TNFAIP1: variants seen among roughly 807,000 people sequenced by gnomAD.
TNFAIP1 encodes TNF alpha induced protein 1, also known as BTB/POZ domain-containing adapter for CUL3-mediated RhoA degradation protein 2.
A neutral mutation model predicts 32.6 loss-of-function variants in TNFAIP1; 20 were observed. That is an observed-to-expected ratio of 0.61 (90% CI 0.43 to 0.89). The LOEUF (loss-of-function observed/expected upper bound fraction) is 0.89. Among genes scored for constraint, TNFAIP1 ranks in the 40% least tolerant of loss-of-function variants. The probability of loss-of-function intolerance (pLI) is 0.00; values close to 1 mark genes in which losing one functional copy is unlikely to be tolerated. For missense variants in TNFAIP1, 319 were observed against 425.1 expected (o/e 0.75, Z 2.20); for synonymous variants, 166 against 166.8 (o/e 1.00, Z 0.04).
Position 28,339,392 on chromosome 17 carries a change from C to A in TNFAIP1, c.-114-16C>A. ...CTCAGCTGGTTCGTGTCTTCTCTTC[C>A]CTCTCCCATGTACAGCACTGAGATT... On this transcript the variant is annotated splice_polypyrimidine_tract_variant and intron_variant, in intron 1 of 6. Coordinates refer to ENST00000226225, the MANE Select transcript of TNFAIP1 (RefSeq NM_021137.5). 1 of 869,312 alleles carries A rather than the reference C, an allele frequency of 1.2e-6. No individual in the cohort carries two copies. The highest frequency in any genetic ancestry group is 1.7e-6 in the Non-Finnish European group (1 of 601,034). 53.8% of individuals were successfully genotyped at this position (869,312 alleles called of 1,614,324 possible).
intron 1 of TNFAIP1, among the ~76,000 whole-genome samples, chr17:28,336,282 C>T (rs1386088293): frequency 3.3e-5 from 5 of 152,292 alleles, no homozygotes; most frequent in East Asian, 1.9e-4. Context: ...AGCCACGGAT[C>T]CGCCCTTAGC....
chr17:28,344,269 C>A, intron 6 of TNFAIP1, 95 bp from the exon 7 acceptor site: 1 of 1,064,084 alleles, frequency 9.4e-7, no homozygotes, highest in Non-Finnish European at 1.4e-6. Context: ...TGAGAGGTAG[C>A]GGAGGCCTTA....
In TNFAIP1 at chr17:28,340,343, T is replaced by C. The variant is rs782382940; in HGVS notation, c.240T>C (p.Phe80=). Reference sequence around the variant, plus strand: ...TCATAGACCGTTGTGGAAAGCACTTTGGCACCATTTTGAATTACCTCCGAG... The same window carrying C: ...TCATAGACCGTTGTGGAAAGCACTTCGGCACCATTTTGAATTACCTCCGAG... ...WILIDRCGKH[F]GTILNYLRDD... Residue 80 remains phenylalanine, a synonymous_variant, in exon 3 of 7, where the codon TTT becomes TTC. Coordinates refer to ENST00000226225, the MANE Select transcript of TNFAIP1 (RefSeq NM_021137.5). This position sits in a 1 kb window ranked among gnomAD's most constrained non-coding sequence, Gnocchi z 4.1. The C allele has an allele frequency of 1.2e-6, 2 of 1,614,092 alleles. No individual in the cohort carries two copies. The highest frequency in any genetic ancestry group is 2.2e-5 in the East Asian group (1 of 44,886).
rs528451294 is a variant in TNFAIP1, at chr17:28,340,528, C to T, written c.375+50C>T. 162 of 1,596,386 alleles carry T rather than the reference C, an allele frequency of 1.0e-4. 2 individuals are homozygous for T. The South Asian group carries it at 1.6e-3, about 16-fold the overall frequency. On this transcript the variant is annotated intron_variant, in intron 3 of 6. Coordinates refer to ENST00000226225, the MANE Select transcript of TNFAIP1 (RefSeq NM_021137.5). The surrounding 1 kb of genome is among the most constrained non-coding windows in gnomAD (Gnocchi z 4.1). ...CGGGCAGATGAGGTCAGGAGTTGCCCCCTTCTTGTGGGATGGAGGACTCTG... is the reference window on the plus strand; with the variant it reads ...CGGGCAGATGAGGTCAGGAGTTGCCTCCTTCTTGTGGGATGGAGGACTCTG...
At position 28,346,440 on chromosome 17, in the gene TNFAIP1, G is replaced by A. The variant is rs1597797150; in HGVS notation, c.*1840G>A. On this transcript the variant is annotated 3_prime_UTR_variant, in exon 7 of 7. Transcript: ENST00000226225. ...ACACTCAAATTCCCAGCTCCCCACT[G>A]AGGTGTTGTGATGCTTGCCTTTTGA... is the stretch of plus-strand genomic sequence containing the variant. The A allele has an allele frequency of 6.6e-6, 1 of 152,174 alleles. No homozygotes were observed. The highest frequency in any genetic ancestry group is 2.4e-5 in the African/African-American group (1 of 41,436). The allele number at this position is 152,174 out of a possible 1,614,324, so 9.4% of individuals were successfully genotyped here.
Position 28,339,724 on chromosome 17 carries a change from A to C in TNFAIP1, c.203A>C (p.Glu68Ala). 6.2e-7 allele frequency: 1 copy of C among 1,613,476 alleles called. No homozygotes were observed. Among genetic ancestry groups the C allele is most frequent in the South Asian group, 1.1e-5 (1 of 91,070 alleles). The part of the protein sequence containing the change: ...SGRMEVLTDK[E>A]GWILIDRCGK... The stretch of plus-strand genomic sequence containing the variant: ...CGCATGGAGGTGCTGACCGACAAAG[A>C]AGGTGAGGCACTGGGGCTGCCGCTC... The change falls in exon 2 of 7, where the codon GAA becomes GCA. Residue 68 changes from glutamate (E) to alanine (A), a missense_variant and splice_region_variant. Coordinates refer to ENST00000226225, the MANE Select transcript of TNFAIP1 (RefSeq NM_021137.5).
In TNFAIP1 at chr17:28,339,503, G is replaced by C. The variant is rs145146981; in HGVS notation, c.-19G>C. On this transcript the variant is annotated 5_prime_UTR_variant, in exon 2 of 7. Coordinates refer to ENST00000226225, the MANE Select transcript of TNFAIP1 (RefSeq NM_021137.5). ...CCAAGCCTACCTCCTGCCGTGTGGT[G>C]ATCTACCTGCAGCGGGAGATGTCGG... 1.3e-6 allele frequency: 2 copies of C among 1,577,742 alleles called. No individual in the cohort carries two copies. The highest frequency in any genetic ancestry group is 3.5e-5 in the Admixed American group (2 of 57,356).
chr17:28,343,352 G>A (rs988773655), intron 6 of TNFAIP1, among the ~76,000 whole-genome samples: 4 of 152,022 alleles, frequency 2.6e-5, no homozygotes, highest in African/African-American at 9.7e-5. Context: ...GAGATGATAC[G>A]CTGGGGTGGA....
At position 28,341,518 on chromosome 17, in the gene TNFAIP1, C is replaced by G. The variant is rs1597794543; in HGVS notation, c.518+62C>G. ...GCAGACCCAAGGAGTACTGCCTGTA[C>G]TCCCAGCACGGTCGGCGTGGGTCTG... On this transcript the variant is annotated intron_variant, in intron 5 of 6. Coordinates refer to ENST00000226225, the MANE Select transcript of TNFAIP1 (RefSeq NM_021137.5). 2.5e-6 allele frequency: 4 copies of G among 1,587,188 alleles called. No individual in the cohort carries two copies. In the South Asian group the frequency reaches 4.4e-5, roughly 18 times the overall value.
At chr17:28,337,982 G>T (rs1273020476) in intron 1 of TNFAIP1, among the ~76,000 whole-genome samples, 1 of 152,118 alleles carries the variant, frequency 6.6e-6, no homozygotes, top group Admixed American at 6.6e-5. Flanking sequence ...GGCACGTAGG[G>T]GTACAATAAA....
Position 28,342,424 on chromosome 17 carries a change from G to C in TNFAIP1, c.696G>C (p.Thr232=), listed in dbSNP as rs376735584. The C allele has an allele frequency of 2.5e-6, 4 of 1,584,858 alleles. No homozygotes were observed. In the African/African-American group the frequency reaches 4.0e-5, roughly 16 times the overall value. Residue 232 remains threonine (T), a synonymous_variant, in exon 6 of 7, where the codon ACG becomes ACC. Transcript: ENST00000226225. This position sits in a 1 kb window ranked among gnomAD's most constrained non-coding sequence, Gnocchi z 4.0. ...EVCCTSIVYA[T]EKKQTKVEFP... The stretch of plus-strand genomic sequence containing the variant: ...GCTGTACCTCCATCGTGTATGCCAC[G>C]GAGAAGAAGCAGACCAAGGTGTGGG...
chr17:28,343,177 C>T (rs1334409371), intron 6 of TNFAIP1, among the ~76,000 whole-genome samples: 1 of 152,120 alleles, frequency 6.6e-6, no homozygotes, highest in Non-Finnish European at 1.5e-5. Context: ...ATAAAATCTC[C>T]TTACTGGCCC....
In TNFAIP1 at chr17:28,346,634, G is replaced by GATCCTAAGATCATGTC. The variant is rs1907577976; in HGVS notation, c.*2037_*2038insCTAAGATCATGTCATC. The GATCCTAAGATCATGTC allele has an allele frequency of 1.3e-5, 2 of 152,232 alleles. No homozygotes were observed. The highest frequency in any genetic ancestry group is 2.9e-5 in the Non-Finnish European group (2 of 68,046). 9.4% of individuals were successfully genotyped at this position (152,232 alleles called of 1,614,324 possible). On this transcript the variant is annotated 3_prime_UTR_variant, in exon 7 of 7. Coordinates refer to ENST00000226225, the MANE Select transcript of TNFAIP1 (RefSeq NM_021137.5). The stretch of plus-strand genomic sequence containing the variant: ...ATACTAACATTGAACTCACTGACAT[G>GATCCTAAGATCATGTC]ATCTTAGCTTCTTTAATCAGACTTT...
In TNFAIP1 at chr17:28,344,174, G is replaced by T. The variant is rs2285409; in HGVS notation, c.715-190G>T. Reference sequence around the variant, plus strand: ...GGTGTGGAGGATGTTGGTCTTCCCTGTCCTCATGTCTGTAGAGTACATCCC... The same window carrying T: ...GGTGTGGAGGATGTTGGTCTTCCCTTTCCTCATGTCTGTAGAGTACATCCC... On this transcript the variant is annotated intron_variant, in intron 6 of 6. Transcript: ENST00000226225. Among the ~76,000 whole-genome samples the T allele has an allele frequency of 0.11, 17,076 of 152,110 alleles. 1,133 individuals are homozygous for T. Among genetic ancestry groups the T allele is most frequent in the East Asian group, 0.23 (1,193 of 5,140 alleles).
Position 28,342,644 on chromosome 17 carries a change from G to A in TNFAIP1, c.714+202G>A, listed in dbSNP as rs1455104317. 6.1e-6 allele frequency: 3 copies of A among 494,242 alleles called. No homozygotes were observed. The highest frequency in any genetic ancestry group is 1.0e-5 in the Non-Finnish European group (3 of 286,524). 30.6% of individuals were successfully genotyped at this position (494,242 alleles called of 1,614,324 possible). On this transcript the variant is annotated intron_variant, in intron 6 of 6. Transcript: ENST00000226225. This position sits in a 1 kb window ranked among gnomAD's most constrained non-coding sequence, Gnocchi z 4.0. ...GAACTGCTTTGTTCCTGACAGCGCA[G>A]GGCAGGGGCCGTTGACCACCAGGAA...
Position 28,341,254 on chromosome 17 carries a change from C to T in TNFAIP1, c.393C>T (p.Tyr131=). The change falls in exon 4 of 7, where the codon TAC becomes TAT. Residue 131 remains tyrosine (Y), a synonymous_variant. Coordinates refer to ENST00000226225, the MANE Select transcript of TNFAIP1 (RefSeq NM_021137.5). ...TCGCACAGGACAAGAAGGACTCCTA[C>T]CAGCCTGTGTGCAACATCCCCATCA... ...QSALQDKKDS[Y]QPVCNIPIIT... The T allele has an allele frequency of 2.5e-6, 4 of 1,614,188 alleles. No individual in the cohort carries two copies. Among genetic ancestry groups the T allele is most frequent in the East Asian group, 4.5e-5 (2 of 44,878 alleles).
In TNFAIP1 at chr17:28,346,933, A is replaced by G. The variant is rs965277291; in HGVS notation, c.*2333A>G. The G allele has an allele frequency of 3.3e-5, 5 of 152,342 alleles. No individual in the cohort carries two copies. The highest frequency in any genetic ancestry group is 3.4e-3 in the Middle Eastern group (1 of 294). 9.4% of individuals were successfully genotyped at this position (152,342 alleles called of 1,614,324 possible). On this transcript the variant is annotated 3_prime_UTR_variant, in exon 7 of 7. Transcript: ENST00000226225. ...CAGGAAAGAATTTTTCCTTTATCAC[A>G]TAACTGTAATATTTGGTTGCTCAGC...
chr17:28,341,379 C>G (rs905567589), intron 4 of TNFAIP1, 25 bp from the exon 5 acceptor site: 2 of 1,614,204 alleles, frequency 1.2e-6, no homozygotes. Flanking sequence ...CCTGGCCTGG[C>G]CCCTCACTCT....
chr17:28,339,332 G>A (rs113553709), intron 1 of TNFAIP1, 76 bp from the exon 2 acceptor site: 17 of 492,142 alleles, frequency 3.5e-5, no homozygotes, highest in African/African-American at 1.6e-4. Flanking sequence ...GAATGAGTAC[G>A]GTCGTGTTTC....
Sources: allele counts gnomAD v4.1 joint callset (sites outside exome capture counted in the v4.1 genomes callset), GRCh38; gene constraint gnomAD v4.1.1; non-coding constraint Gnocchi (gnomAD v3.1); transcripts MANE v1.5; gene names NCBI Gene and HGNC (gene_info 2026-07-23, HGNC 2026-07-21).